Variants in BTAF1 observed in about 807,000 individuals in gnomAD.
BTAF1 encodes TATA-binding protein-associated factor 172.
BTAF1 carries 38 observed loss-of-function variants against 227.1 expected under a neutral mutation model. The ratio of observed to expected loss-of-function variants is 0.17; its 90% CI spans 0.13 to 0.22. BTAF1 has a LOEUF of 0.22. Among genes scored for constraint, BTAF1 ranks in the 10% least tolerant of loss-of-function variants. The pLI, the probability that BTAF1 is intolerant of heterozygous loss-of-function variation, is 1.00. For missense variants in BTAF1, 1,598 were observed against 2,204.0 expected, an observed-to-expected ratio of 0.73 and a Z score of 5.51; for synonymous variants, 742 against 751.9, an observed-to-expected ratio of 0.99 and a Z score of 0.21.
intron 18 of BTAF1, among the ~76,000 whole-genome samples, chr10:91,983,781 A>T (rs989282116): frequency 2.0e-5 from 3 of 152,226 alleles, no homozygotes; most frequent in African/African-American, 7.2e-5. Flanking sequence ...AGCTTTTAAA[A>T]TTTATATCCA....
chr10:92,022,169 CGT>C (rs1564724574), intron 34 of BTAF1, among the ~76,000 whole-genome samples: 1 of 151,990 alleles, frequency 6.6e-6, no homozygotes, highest in African/African-American at 2.4e-5. Flanking sequence ...GAGATACTTA[CGT>C]CAAATGATAT....
intron 12 of BTAF1, 46 bp downstream of exon 12, chr10:91,962,724 A>G: frequency 2.0e-6 from 3 of 1,497,002 alleles, no homozygotes; most frequent in Non-Finnish European, 1.8e-6. Context: ...GCTTGTTTTC[A>G]TTTGGGATAT....
At chr10:91,948,110 T>A (rs187226461) in intron 4 of BTAF1, among the ~76,000 whole-genome samples, 1 of 152,234 alleles carries the variant, frequency 6.6e-6, no homozygotes, top group East Asian at 1.9e-4. Flanking sequence ...CTGCACGCAT[T>A]AACTCGTCAT....
In BTAF1 at chr10:91,924,069, G is replaced by A. The variant is rs1404496613; in HGVS notation, c.-8G>A. The A allele has an allele frequency of 6.2e-7, 1 of 1,608,142 alleles. No homozygotes were observed. The highest frequency in any genetic ancestry group is 1.1e-5 in the South Asian group (1 of 89,982). On this transcript the variant is annotated 5_prime_UTR_variant, in exon 1 of 38. Transcript: ENST00000265990. ...TCGCGGGGAGCTCCGAACCGCCGGC[G>A]CCCGGCCATGGCGGTCTCCAGGTGG... is the stretch of plus-strand genomic sequence containing the variant.
intron 20 of BTAF1, among the ~76,000 whole-genome samples, chr10:91,991,797 GTA>G (rs1166615338): frequency 6.5e-3 from 65 of 10,000 alleles, no homozygotes; most frequent in African/African-American, 0.011. Flanking sequence ...GTGTGTGTGT[GTA>G]TATATATATA....
chr10:91,997,183 A>G (rs1479373795), intron 24 of BTAF1: 2 of 1,275,852 alleles, frequency 1.6e-6, no homozygotes, highest in Non-Finnish European at 2.0e-6. Flanking sequence ...GGCTCACTAT[A>G]TCCTGCTGGT....
chr10:91,958,702 C>T (rs1316805463), intron 8 of BTAF1, among the ~76,000 whole-genome samples: 3 of 151,956 alleles, frequency 2.0e-5, no homozygotes, highest in African/African-American at 4.8e-5. Context: ...GACTCCATCT[C>T]GAAAAACAAA....
intron 23 of BTAF1, 137 bp downstream of exon 23, chr10:91,994,781 C>T: frequency 1.5e-6 from 1 of 680,820 alleles, no homozygotes; most frequent in East Asian, 2.8e-5. Flanking sequence ...TAACTAGATT[C>T]CTCCTTTACT....
intron 34 of BTAF1, among the ~76,000 whole-genome samples, chr10:92,021,591 G>A (rs1009385285): frequency 5.9e-5 from 9 of 151,724 alleles, no homozygotes; most frequent in Non-Finnish European, 1.3e-4. Context: ...GCCCAGGCTG[G>A]AATGCAGTGG....
chr10:91,927,120 C>T (rs1011531262), intron 1 of BTAF1, among the ~76,000 whole-genome samples: 2 of 145,386 alleles, frequency 1.4e-5, no homozygotes, highest in Non-Finnish European at 3.0e-5. Flanking sequence ...TAGTTCTGAC[C>T]TTAGTGTGTT....
intron 25 of BTAF1, among the ~76,000 whole-genome samples, chr10:92,005,663 A>G (rs554904948): frequency 2.6e-5 from 4 of 152,290 alleles, no homozygotes; most frequent in Admixed American, 1.3e-4. Context: ...TGAAGACACC[A>G]AAGAGCTGTT....
rs1303235599 is a variant in BTAF1, at chr10:91,925,605, G to A, written c.14+1515G>A. ...CGGCTCACTGCAAGCTCCGCATCCC[G>A]GGTTCAGGCCATCCTCCTGCCTCAG... On this transcript the variant is annotated intron_variant, in intron 1 of 37. Coordinates refer to ENST00000265990, the MANE Select transcript of BTAF1 (RefSeq NM_003972.3). 2.7e-5 allele frequency among the ~76,000 whole-genome samples: 4 copies of A among 145,694 alleles called. No individual in the cohort carries two copies. In the Admixed American group the frequency reaches 3.0e-4, roughly 11 times the overall value.
At chr10:91,976,384 G>A (rs748434140) in intron 14 of BTAF1, among the ~76,000 whole-genome samples, 25 of 152,148 alleles carry the variant, frequency 1.6e-4, no homozygotes, top group Non-Finnish European at 2.9e-4. Context: ...CATTAGTGAG[G>A]TGATTAACTT....
intron 20 of BTAF1, among the ~76,000 whole-genome samples, chr10:91,991,279 T>TATATATATATAAATATATATATATATAA (rs1554860277): frequency 2.0e-5 from 2 of 98,426 alleles, no homozygotes; most frequent in Non-Finnish European, 4.6e-5. Context: ...TAAATATATA[T>TATATATATATAAATATATATATATATAA]ATATATATAT....
At chr10:91,926,677 A>G (rs983119593) in intron 1 of BTAF1, among the ~76,000 whole-genome samples, 1 of 152,218 alleles carries the variant, frequency 6.6e-6, no homozygotes, top group Non-Finnish European at 1.5e-5. Flanking sequence ...CTCCTTGAAC[A>G]TTGTATCACC....
Position 92,028,772 on chromosome 10 carries a change from TTG to T in BTAF1, c.5407-17_5407-16del. 1.3e-6 allele frequency: 2 copies of T among 1,577,568 alleles called. No individual in the cohort carries two copies. Among genetic ancestry groups the T allele is most frequent in the Non-Finnish European group, 8.6e-7 (1 of 1,169,486 alleles). On this transcript the variant is annotated splice_polypyrimidine_tract_variant and intron_variant, in intron 37 of 37. Transcript: ENST00000265990. Reference sequence around the variant, plus strand: ...ACCTCTCATTTTATTTTTTTTTTTTTTGCCAATTTTTCTTAAGGATGGCAAAG... The same window carrying T: ...ACCTCTCATTTTATTTTTTTTTTTTTCCAATTTTTCTTAAGGATGGCAAAG...
At chr10:91,984,479 A>G (rs1848268431) in intron 19 of BTAF1, 75 bp downstream of exon 19, 1 of 1,303,460 alleles carries the variant, frequency 7.7e-7, no homozygotes, top group Non-Finnish European at 1.1e-6. Context: ...TGACATGTTT[A>G]TCACAAAAAC....
At chr10:91,978,446 T>C (rs1847838882) in intron 14 of BTAF1, among the ~76,000 whole-genome samples, 1 of 152,144 alleles carries the variant, frequency 6.6e-6, no homozygotes, top group African/African-American at 2.4e-5. Flanking sequence ...AATTATTTGC[T>C]TATTGCTGTT....
chr10:91,949,423 T>G (rs959719686), intron 4 of BTAF1, among the ~76,000 whole-genome samples: 1 of 152,242 alleles, frequency 6.6e-6, no homozygotes, highest in Non-Finnish European at 1.5e-5. Context: ...CATTTTCTTT[T>G]CTTTGCTTTT....
Sources: allele counts gnomAD v4.1 joint callset (sites outside exome capture counted in the v4.1 genomes callset), GRCh38; gene constraint gnomAD v4.1.1; transcripts MANE v1.5; gene names NCBI Gene and HGNC (gene_info 2026-07-23, HGNC 2026-07-21).